NR3C2: variants seen among roughly 807,000 people sequenced by gnomAD.
The protein encoded by NR3C2 is nuclear receptor subfamily 3 group C member 2, also known as mineralocorticoid receptor.
In NR3C2, 15 loss-of-function variants were observed where a neutral mutation model predicts 86.4. That is an observed-to-expected ratio of 0.17 (90% confidence interval 0.12 to 0.27). The LOEUF (loss-of-function observed/expected upper bound fraction) is 0.27, where lower values mean the gene tolerates loss of function less well. NR3C2 is among the 10% of genes least tolerant of loss of function. The pLI is 1.00. For synonymous variants in NR3C2, 458 were observed against 450.5 expected (o/e 1.02, Z -0.21); for missense variants, 960 against 1,195.6 (o/e 0.80, Z 2.91).
chr4:148,427,964 G>A (rs1446770320), intron 2 of NR3C2, among the ~76,000 whole-genome samples: 1 of 152,146 alleles, frequency 6.6e-6, no homozygotes, highest in Non-Finnish European at 1.5e-5. Flanking sequence ...ATAAATATCT[G>A]AATAAACAAA....
intron 6 of NR3C2, among the ~76,000 whole-genome samples, chr4:148,139,376 T>G (rs1475936915): frequency 1.3e-5 from 2 of 152,138 alleles, no homozygotes; most frequent in East Asian, 3.9e-4. Context: ...AATGGAGTAT[T>G]GGAGATAGTA....
chr4:148,419,923 C>G (rs61758350), intron 2 of NR3C2, among the ~76,000 whole-genome samples: 7 of 152,268 alleles, frequency 4.6e-5, no homozygotes, highest in Non-Finnish European at 8.8e-5. Context: ...AATAATTAAT[C>G]AATGACTGTA....
chr4:148,264,550 T>C (rs1030212997), intron 2 of NR3C2, among the ~76,000 whole-genome samples: 2 of 152,178 alleles, frequency 1.3e-5, no homozygotes, highest in East Asian at 1.9e-4. Flanking sequence ...AAGACAGGAA[T>C]GGAGGCTCAC....
intron 7 of NR3C2, among the ~76,000 whole-genome samples, 200 bp from the exon 8 acceptor site, chr4:148,114,461 T>A (rs1181434523): frequency 6.6e-6 from 1 of 152,252 alleles, no homozygotes; most frequent in Admixed American, 6.5e-5. Flanking sequence ...AGATGTGTCT[T>A]ATCATACACT....
chr4:148,411,090 T>C (rs1158531168), intron 2 of NR3C2, among the ~76,000 whole-genome samples: 1 of 152,184 alleles, frequency 6.6e-6, no homozygotes, highest in Non-Finnish European at 1.5e-5. Flanking sequence ...GAGCTTAATG[T>C]CTTTCATTTT....
chr4:148,320,989 T>C (rs1404315683), intron 2 of NR3C2, among the ~76,000 whole-genome samples: 4 of 150,192 alleles, frequency 2.7e-5, no homozygotes, highest in African/African-American at 7.3e-5. Context: ...ATTTTGGATC[T>C]TTCCTGCTTT....
chr4:148,425,660 C>T (rs1474933895), intron 2 of NR3C2, among the ~76,000 whole-genome samples: 3 of 152,116 alleles, frequency 2.0e-5, no homozygotes, highest in African/African-American at 7.2e-5. Flanking sequence ...GTCTTACAGA[C>T]CCTAAATTAT....
At chr4:148,316,745 C>T (rs1270834013) in intron 2 of NR3C2, among the ~76,000 whole-genome samples, 2 of 152,036 alleles carry the variant, frequency 1.3e-5, no homozygotes, top group Non-Finnish European at 2.9e-5. Context: ...TTTGAACATT[C>T]CACTTAAAAA....
chr4:148,107,189 A>G (rs1731838524), intron 8 of NR3C2, among the ~76,000 whole-genome samples: 3 of 152,218 alleles, frequency 2.0e-5, no homozygotes, highest in Admixed American at 2.0e-4. Context: ...ACCCCATCAA[A>G]AAGTGGGCAA....
chr4:148,142,072 TAGAA>T (rs1196869320), intron 6 of NR3C2, among the ~76,000 whole-genome samples: 3 of 152,076 alleles, frequency 2.0e-5, no homozygotes, highest in African/African-American at 7.2e-5. Flanking sequence ...GGCACAGCAG[TAGAA>T]AGACCTAGGA....
chr4:148,270,136 TG>T (rs1740606192), intron 2 of NR3C2, among the ~76,000 whole-genome samples: 1 of 152,092 alleles, frequency 6.6e-6, no homozygotes, highest in Non-Finnish European at 1.5e-5. Context: ...TGCTTCATCA[TG>T]CTGACCTTTA....
At chr4:148,363,755 G>A (rs1402488154) in intron 2 of NR3C2, among the ~76,000 whole-genome samples, 1 of 151,938 alleles carries the variant, frequency 6.6e-6, no homozygotes, top group African/African-American at 2.4e-5. Context: ...CACCCGCCTT[G>A]GCCTCCCAAA....
chr4:148,114,148 G>A lies in NR3C2; in HGVS notation c.2755C>T (p.Gln919Ter), dbSNP rs1553986377. The A allele has an allele frequency of 6.2e-7, 1 of 1,613,778 alleles. No individual in the cohort carries two copies. Among genetic ancestry groups the A allele is most frequent in the Non-Finnish European group, 8.5e-7 (1 of 1,179,926 alleles). ...AGCTTGGTCAGTTGGTAGAACCTCT[G>A]CCAGCTCTGCCCAGAATTGTTGGGA... ...KCPNNSGQSW[Q>*]RFYQLTKLLD... The change falls in exon 8 of 9, where the codon CAG becomes TAG. Residue 919 changes from glutamine (Q) to a stop codon, truncating the protein, a stop_gained. Coordinates refer to ENST00000358102, the MANE Select transcript of NR3C2 (RefSeq NM_000901.5). LOFTEE classifies it high-confidence loss of function.
intron 3 of NR3C2, among the ~76,000 whole-genome samples, chr4:148,237,267 A>C (rs905358908): frequency 1.3e-5 from 2 of 152,226 alleles, no homozygotes; most frequent in Non-Finnish European, 2.9e-5. Flanking sequence ...CTTTATCACT[A>C]TAAAATATCA....
intron 3 of NR3C2, among the ~76,000 whole-genome samples, chr4:148,195,659 T>C (rs1736407099): frequency 6.6e-6 from 1 of 152,186 alleles, no homozygotes; most frequent in Non-Finnish European, 1.5e-5. Flanking sequence ...TAAAGGTCTA[T>C]AGATCTATCA....
intron 2 of NR3C2, among the ~76,000 whole-genome samples, chr4:148,301,033 A>G (rs959351953): frequency 1.3e-5 from 2 of 152,176 alleles, no homozygotes; most frequent in African/African-American, 4.8e-5. Flanking sequence ...ATCCCTGTCA[A>G]AGTCTGTCTT....
At chr4:148,423,086 C>T (rs1476885939) in intron 2 of NR3C2, among the ~76,000 whole-genome samples, 4 of 152,126 alleles carry the variant, frequency 2.6e-5, no homozygotes, top group Non-Finnish European at 5.9e-5. Context: ...TTACCTCTCG[C>T]TCACCATCCC....
At chr4:148,136,023 C>G (rs1458690168) in intron 6 of NR3C2, among the ~76,000 whole-genome samples, 28 of 112,126 alleles carry the variant, frequency 2.5e-4, no homozygotes, top group African/African-American at 8.2e-4. Context: ...CGCCACTGCA[C>G]TCCAGCCTGG....
chr4:148,377,924 A>G (rs930109725), intron 2 of NR3C2, among the ~76,000 whole-genome samples: 4 of 152,190 alleles, frequency 2.6e-5, no homozygotes, highest in African/African-American at 4.8e-5. Flanking sequence ...GGTACAAATG[A>G]AGACCGGGCA....
Sources: gnomAD v4.1 joint callset for allele counts (sites outside exome capture counted in the v4.1 genomes callset) on GRCh38, gnomAD v4.1.1 for gene constraint, MANE v1.5 for transcripts, NCBI Gene and HGNC (gene_info 2026-07-23, HGNC 2026-07-21) for gene names.